AGBL2: variants seen among roughly 807,000 people sequenced by gnomAD.
AGBL2 encodes the protein AGBL carboxypeptidase 2, also known as cytosolic carboxypeptidase 2.
Under a neutral mutation model 103.0 loss-of-function variants are expected in AGBL2, and 87 were observed. The observed-to-expected ratio is 0.84, with a 90% confidence interval of 0.71 to 1.01. The LOEUF (loss-of-function observed/expected upper bound fraction) is 1.01. Among genes scored for constraint, AGBL2 ranks in the 50% least tolerant of loss-of-function variants. AGBL2 has a pLI of 0.00. For missense variants in AGBL2, 904 were observed against 1,023.5 expected (o/e 0.88, Z 1.59); for synonymous variants, 335 against 356.7 (o/e 0.94, Z 0.69).
At chr11:47,680,581 C>G (rs1274904124) in intron 12 of AGBL2, among the ~76,000 whole-genome samples, 1 of 152,220 alleles carries the variant, frequency 6.6e-6, no homozygotes, top group Non-Finnish European at 1.5e-5. Context: ...GAGTTCGAGA[C>G]TAGCCTGGGC....
In AGBL2 at chr11:47,680,093, C is replaced by T. The variant is rs777693174; in HGVS notation, c.1916-20G>A. 1.8e-5 allele frequency: 24 copies of T among 1,353,994 alleles called. No homozygotes were observed. In the Admixed American group the frequency reaches 2.6e-4, roughly 15 times the overall value. 83.9% of individuals were successfully genotyped at this position (1,353,994 alleles called of 1,614,324 possible). On this transcript the variant is annotated intron_variant, in intron 12 of 18. Coordinates refer to ENST00000525123, the MANE Select transcript of AGBL2 (RefSeq NM_024783.4). ...TATTACCTGGAAAAAAAAAAAACCC[C>T]GCAAACATTTCCAATTAAATCTTAG...
chr11:47,683,272 C>T (rs1050368463), intron 11 of AGBL2, among the ~76,000 whole-genome samples: 2 of 152,056 alleles, frequency 1.3e-5, no homozygotes, highest in Non-Finnish European at 2.9e-5. Context: ...ACTCAGGAGG[C>T]TGAGGCAGGA....
intron 8 of AGBL2, among the ~76,000 whole-genome samples, chr11:47,695,520 A>C (rs1440573467): frequency 6.8e-6 from 1 of 146,112 alleles, no homozygotes; most frequent in African/African-American, 2.5e-5. Context: ...GGGACCTGTA[A>C]TCCTAGCACT....
chr11:47,679,670 C>T (rs188795533), intron 13 of AGBL2, among the ~76,000 whole-genome samples: 69 of 147,744 alleles, frequency 4.7e-4, no homozygotes, highest in Admixed American at 4.1e-3. Context: ...TTTTTTGAGT[C>T]TCGCTCTGTC....
chr11:47,667,155 C>T (rs1042782365), intron 16 of AGBL2, 92 bp from the exon 17 acceptor site: 18 of 860,782 alleles, frequency 2.1e-5, no homozygotes, highest in Admixed American at 8.4e-5. Flanking sequence ...TCTGAAAGCA[C>T]GTTTGTCTTT....
rs778714134 is a variant in AGBL2, at chr11:47,664,974, C to T, written c.2449-1862G>A. ...ACAGCTCACTGTAGCCTTGACCTCTCGGGCTCAAGCAATCCTCCTACCTCA... is the reference window on the plus strand; with the variant it reads ...ACAGCTCACTGTAGCCTTGACCTCTTGGGCTCAAGCAATCCTCCTACCTCA... On this transcript the variant is annotated intron_variant, in intron 17 of 18. Transcript: ENST00000525123. Among the ~76,000 whole-genome samples the T allele has an allele frequency of 5.3e-5, 8 of 150,726 alleles. No homozygotes were observed. The South Asian group carries it at 6.3e-4, about 12-fold the overall frequency.
At chr11:47,682,175 A>C (rs1259734346) in intron 11 of AGBL2, 80 bp from the exon 12 acceptor site, 3 of 1,391,486 alleles carry the variant, frequency 2.2e-6, no homozygotes, top group Non-Finnish European at 2.0e-6. Flanking sequence ...TGATACAAGA[A>C]TAATTTCCTT....
chr11:47,682,108 C>G lies in AGBL2; in HGVS notation c.1789-13G>C. 1 of 1,610,130 alleles carries G rather than the reference C, an allele frequency of 6.2e-7. No individual in the cohort carries two copies. Among genetic ancestry groups the G allele is most frequent in the South Asian group, 1.1e-5 (1 of 90,790 alleles). On this transcript the variant is annotated splice_polypyrimidine_tract_variant and intron_variant, in intron 11 of 18. Transcript: ENST00000525123. ...TGTGAAAAGAGAACTAAAAAGAAAT[C>G]CAAATTTTCTGTTAATCATAAATCA...
chr11:47,684,510 C>T (rs535559003), intron 11 of AGBL2, among the ~76,000 whole-genome samples: 63 of 149,938 alleles, frequency 4.2e-4, no homozygotes, highest in African/African-American at 1.4e-3. Context: ...GAGCCGAGAT[C>T]GCGCCACTGC....
intron 10 of AGBL2, among the ~76,000 whole-genome samples, chr11:47,688,689 T>G (rs138887509): frequency 2.4e-3 from 370 of 152,246 alleles, no homozygotes; most frequent in Middle Eastern, 0.014. Flanking sequence ...CTCAGACACA[T>G]TAAATCACTT....
rs773987950 is a variant in AGBL2, at chr11:47,710,403, T to A, written c.206A>T (p.Asp69Val). Reference protein sequence around the residue: ...SLGEKDDLIPDTLQKEKLLWP... With the variant: ...SLGEKDDLIPVTLQKEKLLWP... ...TAGAAGCTTCTCCTTTTGCAGGGTG[T>A]CTGGTATCAAATCATCTTTTTCCCC... Residue 69 changes from aspartate (D) to valine (V), a missense_variant, in exon 4 of 19, where the codon GAC (aspartate) becomes GTC (valine). Asp to Val is a radical substitution (Grantham distance 152). Coordinates refer to ENST00000525123, the MANE Select transcript of AGBL2 (RefSeq NM_024783.4). The A allele has an allele frequency of 6.2e-7, 1 of 1,614,134 alleles. No homozygotes were observed.
At chr11:47,661,019 C>T (rs757364039) in intron 18 of AGBL2, among the ~76,000 whole-genome samples, 8 of 152,256 alleles carry the variant, frequency 5.3e-5, no homozygotes, top group Non-Finnish European at 1.0e-4. Flanking sequence ...TAAATACCCA[C>T]ATCTCTGTTA....
intron 17 of AGBL2, among the ~76,000 whole-genome samples, chr11:47,665,570 C>T (rs775282627): frequency 4.4e-4 from 67 of 152,036 alleles, no homozygotes; most frequent in Non-Finnish European, 7.9e-4. Context: ...ATCTGCCCAC[C>T]TCAGTGTCTC....
In AGBL2 at chr11:47,677,352, T is replaced by C; in HGVS notation, c.2066A>G (p.His689Arg). The change falls in exon 14 of 19, where the codon CAC becomes CGC. Residue 689 changes from histidine to arginine, a missense_variant. By Grantham distance (29) the His-to-Arg change is conservative. Coordinates refer to ENST00000525123, the MANE Select transcript of AGBL2 (RefSeq NM_024783.4). The part of the protein sequence containing the change: ...ELKELLRQEI[H>R]KKFHELGQDV... ...TTGTCCAAGTTCATGGAATTTCTTG[T>C]GGATTTCCTGTCGTAAAAGCTCCTT... 2 of 1,611,522 alleles carry C rather than the reference T, an allele frequency of 1.2e-6. No individual in the cohort carries two copies. The highest frequency in any genetic ancestry group is 8.5e-7 in the Non-Finnish European group (1 of 1,178,580).
At chr11:47,695,271 T>TA (rs1421594566) in intron 8 of AGBL2, among the ~76,000 whole-genome samples, 3 of 151,976 alleles carry the variant, frequency 2.0e-5, no homozygotes, top group Non-Finnish European at 2.9e-5. Context: ...GGTCAGGAGT[T>TA]AGAGACCAGC....
intron 3 of AGBL2, among the ~76,000 whole-genome samples, chr11:47,711,427 C>T (rs941712502): frequency 1.3e-5 from 2 of 152,194 alleles, no homozygotes; most frequent in Admixed American, 1.3e-4. Flanking sequence ...CTTGCCACCC[C>T]TCCCCGGAGC....
At chr11:47,705,348 T>TA (rs996062171) in intron 6 of AGBL2, 173 bp downstream of exon 6, 1 of 155,034 alleles carries the variant, frequency 6.5e-6, no homozygotes, top group African/African-American at 2.4e-5. Flanking sequence ...TTCAGGAAGA[T>TA]AAAAAAGAAA....
chr11:47,686,084 CCCAAATG>C (rs767168095), intron 10 of AGBL2, 35 bp from the exon 11 acceptor site: 1 of 1,594,096 alleles, frequency 6.3e-7, no homozygotes. Context: ...TCAGTGGACA[CCCAAATG>C]CATACAAATA....
At chr11:47,701,174 A>G (rs568727179) in intron 7 of AGBL2, among the ~76,000 whole-genome samples, 1 of 151,930 alleles carries the variant, frequency 6.6e-6, no homozygotes, top group Non-Finnish European at 1.5e-5. Context: ...TTTATAAAAG[A>G]TCATGTAGTT....
Sources: gnomAD v4.1 joint callset for allele counts (sites outside exome capture counted in the v4.1 genomes callset) on GRCh38, gnomAD v4.1.1 for gene constraint, MANE v1.5 for transcripts, NCBI Gene and HGNC (gene_info 2026-07-23, HGNC 2026-07-21) for gene names.